TTC19: variants seen among roughly 807,000 people sequenced by gnomAD.
TTC19 encodes tetratricopeptide repeat domain 19, also known as tetratricopeptide repeat protein 19, mitochondrial.
A neutral mutation model predicts 49.5 loss-of-function variants in TTC19; 38 were observed. The ratio of observed to expected loss-of-function variants is 0.77; its 90% CI spans 0.59 to 1.01. TTC19 has a LOEUF of 1.01. Among genes scored for constraint, TTC19 ranks in the 50% least tolerant of loss-of-function variants. The probability of loss-of-function intolerance (pLI) is 0.00; values close to 1 mark genes in which losing one functional copy is unlikely to be tolerated. For missense variants in TTC19, 475 were observed against 477.7 expected (o/e 0.99, Z 0.05); for synonymous variants, 204 against 185.2 (o/e 1.10, Z -0.83).
In TTC19 at chr17:16,027,536, T is replaced by C; in HGVS notation, c.*14T>C. ...GTCAAGCTCTAAATCCATTTTTGTGTAGGGAGAATAATGTCTAGTAATGTG... is the reference window on the plus strand; with the variant it reads ...GTCAAGCTCTAAATCCATTTTTGTGCAGGGAGAATAATGTCTAGTAATGTG... On this transcript the variant is annotated 3_prime_UTR_variant, in exon 10 of 10. Coordinates refer to ENST00000261647, the MANE Select transcript of TTC19 (RefSeq NM_017775.4). 6.2e-7 allele frequency: 1 copy of C among 1,613,568 alleles called. No individual in the cohort carries two copies. Among genetic ancestry groups the C allele is most frequent in the South Asian group, 1.1e-5 (1 of 91,046 alleles).
intron 3 of TTC19, among the ~76,000 whole-genome samples, chr17:16,002,281 C>T (rs941070195): frequency 3.9e-5 from 6 of 152,148 alleles, no homozygotes; most frequent in African/African-American, 9.7e-5. Flanking sequence ...TGAGTTCAGA[C>T]GATTCTTTTG....
At chr17:16,000,376 G>A in intron 2 of TTC19, 131 bp downstream of exon 2, 1 of 1,515,688 alleles carries the variant, frequency 6.6e-7, no homozygotes, top group South Asian at 1.2e-5. Context: ...AAATTGCCGA[G>A]AATGAGGTGG....
Position 16,035,065 on chromosome 17 carries a change from C to T in TTC19, c.247+8363C>T, listed in dbSNP as rs1321903214. ...GAATGGTAACATGAAGAATCCAGAT[C>T]CTGGTACTCAATGAAATAAAATACT... On this transcript the variant is annotated intron_variant, in intron 2 of 2. Transcript: ENST00000470649. The T allele has an allele frequency of 9.0e-6, 8 of 890,896 alleles. No homozygotes were observed. The East Asian group carries it at 2.1e-4, about 23-fold the overall frequency. The allele number at this position is 890,896 out of a possible 1,614,324, so 55.2% of individuals were successfully genotyped here.
chr17:16,026,832 A>G (rs117263913), intron 9 of TTC19, 130 bp downstream of exon 9: 11 of 981,674 alleles, frequency 1.1e-5, no homozygotes, highest in Non-Finnish European at 1.7e-5. Flanking sequence ...GACTGGTTGA[A>G]TGGCAGAAAA....
chr17:16,022,250 T>G (rs72821767), intron 7 of TTC19, among the ~76,000 whole-genome samples: 1 of 152,304 alleles, frequency 6.6e-6, no homozygotes, highest in Non-Finnish European at 1.5e-5. Context: ...CCACTTTGGG[T>G]TTTAGCTTAC....
downstream of TTC19, among the ~76,000 whole-genome samples, chr17:16,034,167 A>G (rs556433350): frequency 6.6e-6 from 1 of 152,320 alleles, no homozygotes; most frequent in South Asian, 2.1e-4. Context: ...TTGCTTTGCA[A>G]ATAGTCAATG....
chr17:16,006,428 A>G (rs1186803375), intron 6 of TTC19, 46 bp from the exon 7 acceptor site: 4 of 1,405,906 alleles, frequency 2.8e-6, no homozygotes, highest in African/African-American at 1.4e-5. Context: ...GGAAGAAAAA[A>G]AAAAGAAGAA....
At chr17:16,004,396 A>G in intron 6 of TTC19, 134 bp downstream of exon 6, 1 of 858,426 alleles carries the variant, frequency 1.2e-6, no homozygotes, top group Non-Finnish European at 2.0e-6. Flanking sequence ...TCCATCCCTC[A>G]TCTTTGAAAT....
chr17:16,018,903 T>C (rs946317673), intron 7 of TTC19, among the ~76,000 whole-genome samples: 7 of 152,254 alleles, frequency 4.6e-5, no homozygotes, highest in Non-Finnish European at 8.8e-5. Context: ...TGGCCAGATT[T>C]CAATATTTTA....
chr17:16,042,627 G>A, intron 2 of TTC19, among the ~76,000 whole-genome samples: 1 of 152,182 alleles, frequency 6.6e-6, no homozygotes, highest in East Asian at 1.9e-4. Context: ...TCAGAAATTA[G>A]CAGAATGGAA....
In TTC19 at chr17:16,002,538, A is replaced by C. The variant is rs561178110; in HGVS notation, c.424-255A>C. 2.2e-3 allele frequency: 1,133 copies of C among 517,388 alleles called. 3 individuals are homozygous for C. Among genetic ancestry groups the C allele is most frequent in the Non-Finnish European group, 2.2e-3 (641 of 288,150 alleles). The allele number at this position is 517,388 out of a possible 1,614,324, so 32.0% of individuals were successfully genotyped here. A position where few individuals can be genotyped will look rare whatever the true frequency, so the allele number is the denominator to read the frequency against. ...ACCTCTCAATTCCAGACCAAAAAAA[A>C]CCAGTATCATTAGCATGTTTTTTTA... On this transcript the variant is annotated intron_variant, in intron 3 of 9. Coordinates refer to ENST00000261647, the MANE Select transcript of TTC19 (RefSeq NM_017775.4).
In TTC19 at chr17:16,027,942, AC is replaced by A. The variant is rs1243124504; in HGVS notation, c.*422del. The A allele has an allele frequency of 2.2e-6, 1 of 454,866 alleles. No individual in the cohort carries two copies. The highest frequency in any genetic ancestry group is 2.3e-5 in the Admixed American group (1 of 42,582). The allele number at this position is 454,866 out of a possible 1,614,324, so 28.2% of individuals were successfully genotyped here. ...TACTTTATCAATACCTGGCAAACTG[AC>A]CAGAATTACCTTCCTCATGGCAAAG... On this transcript the variant is annotated 3_prime_UTR_variant, in exon 10 of 10. Coordinates refer to ENST00000261647, the MANE Select transcript of TTC19 (RefSeq NM_017775.4).
exon 3 of TTC19, chr17:16,044,637 A>G (rs1237235254): frequency 1.6e-6 from 1 of 632,414 alleles, no homozygotes; most frequent in Non-Finnish European, 3.1e-6. Context: ...TCTGTCTCCG[A>G]GCTCGCCTGC....
intron 7 of TTC19, among the ~76,000 whole-genome samples, chr17:16,014,733 T>C (rs1480222410): frequency 6.6e-6 from 1 of 152,176 alleles, no homozygotes; most frequent in Non-Finnish European, 1.5e-5. Context: ...TGAAACACTT[T>C]TGGTCCTAAA....
At chr17:16,044,168 CAAAA>C (rs34691717) in intron 2 of TTC19, among the ~76,000 whole-genome samples, 14 of 82,794 alleles carry the variant, frequency 1.7e-4, no homozygotes, top group Non-Finnish European at 2.1e-4. Context: ...GACTCCATCT[CAAAA>C]AAAAAAAAAA....
At chr17:16,034,615 T>A in intron 2 of TTC19, 1 of 733,852 alleles carries the variant, frequency 1.4e-6, no homozygotes, top group Non-Finnish European at 2.2e-6. Context: ...AAAAAAATAC[T>A]TCTATTCGGG....
Position 15,999,895 on chromosome 17 carries a change from C to A in TTC19, c.47C>A (p.Ala16Asp). Residue 16 changes from alanine (A) to aspartate (D), a missense_variant, in exon 1 of 10, where the codon GCC becomes GAC. By Grantham distance (126) the Ala-to-Asp change is moderately radical. Transcript: ENST00000261647. Reference sequence around the variant, plus strand: ...AGCCTGGGCCGAGGCTTCCTGCGGGCCGCGGGGCGGCGGTGCCGGGGCTGC... The same window carrying A: ...AGCCTGGGCCGAGGCTTCCTGCGGGACGCGGGGCGGCGGTGCCGGGGCTGC... ...SWSLGRGFLR[A>D]AGRRCRGCSA... 2 of 1,400,294 alleles carry A rather than the reference C, an allele frequency of 1.4e-6. No individual in the cohort carries two copies. The highest frequency in any genetic ancestry group is 3.2e-5 in the South Asian group (2 of 63,396). The allele number at this position is 1,400,294 out of a possible 1,614,324, so 86.7% of individuals were successfully genotyped here.
chr17:16,022,971 AT>A (rs1394694925), intron 7 of TTC19, among the ~76,000 whole-genome samples: 1 of 151,960 alleles, frequency 6.6e-6, no homozygotes, highest in Non-Finnish European at 1.5e-5. Context: ...AAAGTACTTG[AT>A]TTTTTTCTTG....
chr17:16,003,572 T>C lies in TTC19; in HGVS notation c.463-259T>C, dbSNP rs6502483. ...TTTGTAGTCTCTGCCACAGTGGGTT[T>C]GGATAAGAACTTAATCTCTGAGGTT... is the stretch of plus-strand genomic sequence containing the variant. On this transcript the variant is annotated intron_variant, in intron 4 of 9. Transcript: ENST00000261647. 0.13 allele frequency among the ~76,000 whole-genome samples: 19,546 copies of C among 151,960 alleles called. 2,406 individuals carry two copies. The highest frequency in any genetic ancestry group is 0.33 in the African/African-American group (13,481 of 41,346).
Sources: gnomAD v4.1 joint callset for allele counts (sites outside exome capture counted in the v4.1 genomes callset) on GRCh38, gnomAD v4.1.1 for gene constraint, MANE v1.5 for transcripts, NCBI Gene and HGNC (gene_info 2026-07-23, HGNC 2026-07-21) for gene names.